Variants in SORCS1 observed in about 807,000 individuals in gnomAD.
SORCS1 encodes the protein VPS10 domain-containing receptor SorCS1.
SORCS1 carries 60 observed loss-of-function variants against 146.1 expected under a neutral mutation model. The ratio of observed to expected loss-of-function variants is 0.41; its 90% CI spans 0.33 to 0.51. The LOEUF (loss-of-function observed/expected upper bound fraction) is 0.51, where lower values mean the gene tolerates loss of function less well. Among genes scored for constraint, SORCS1 ranks in the 20% least tolerant of loss-of-function variants. SORCS1 has a pLI of 0.21. For missense variants in SORCS1, 1,352 were observed against 1,487.6 expected, an observed-to-expected ratio of 0.91 and a Z score of 1.50; for synonymous variants, 637 against 584.0, an observed-to-expected ratio of 1.09 and a Z score of -1.31.
intron 24 of SORCS1, among the ~76,000 whole-genome samples, chr10:106,588,755 G>A (rs772757807): frequency 3.3e-5 from 5 of 150,336 alleles, no homozygotes; most frequent in African/African-American, 4.9e-5. Flanking sequence ...CAGCTACTCC[G>A]GAGGCTGAGG....
intron 22 of SORCS1, 55 bp from the exon 23 acceptor site, chr10:106,607,352 G>A (rs1330274524): frequency 1.9e-6 from 3 of 1,602,462 alleles, no homozygotes; most frequent in Non-Finnish European, 2.6e-6. Flanking sequence ...AAGCTGAGAA[G>A]GGACCAAGTA....
chr10:107,111,712 A>G (rs189821042), intron 1 of SORCS1, among the ~76,000 whole-genome samples: 2 of 152,308 alleles, frequency 1.3e-5, no homozygotes, highest in Admixed American at 6.5e-5. Flanking sequence ...ATGAGTATTC[A>G]GATTCATGAA....
chr10:107,014,589 C>T (rs1957821532), intron 1 of SORCS1, among the ~76,000 whole-genome samples: 1 of 137,732 alleles, frequency 7.3e-6, no homozygotes, highest in Non-Finnish European at 1.7e-5. Flanking sequence ...TCTCAAAGTG[C>T]GGCCCCTGGA....
intron 2 of SORCS1, among the ~76,000 whole-genome samples, chr10:106,836,368 G>T (rs1024590462): frequency 6.6e-6 from 1 of 151,886 alleles, no homozygotes; most frequent in African/African-American, 2.4e-5. Flanking sequence ...CAGCTACTCG[G>T]GAGGCTGAGG....
chr10:106,622,551 T>C (rs938557336), intron 19 of SORCS1, among the ~76,000 whole-genome samples: 2 of 152,192 alleles, frequency 1.3e-5, no homozygotes, highest in African/African-American at 4.8e-5. Flanking sequence ...CTTTAGAGAA[T>C]GAAAAGTCTG....
In SORCS1 at chr10:107,163,993, G is replaced by GACC. The variant is rs766261017; in HGVS notation, c.531_533dup (p.Val178dup). 6.8e-6 allele frequency: 11 copies of GACC among 1,613,720 alleles called. No homozygotes were observed. The highest frequency in any genetic ancestry group is 1.7e-5 in the Admixed American group (1 of 59,988). On this transcript the variant is annotated inframe_insertion, in exon 1 of 26. Transcript: ENST00000263054. ...CGCTGCTGTTGTGGCCAGACCAGTG[G>GACC]ACCATGGCTTGGTTGTGTGCTGAGT...
the SORCS1 span, among the ~76,000 whole-genome samples, chr10:107,171,117 C>T: frequency 1.3e-5 from 2 of 152,184 alleles, no homozygotes; most frequent in African/African-American, 2.4e-5. Flanking sequence ...ATACCAACTT[C>T]AGTTTGACAC....
chr10:107,050,179 A>G (rs182261763), intron 1 of SORCS1, among the ~76,000 whole-genome samples: 18 of 152,316 alleles, frequency 1.2e-4, no homozygotes, highest in African/African-American at 4.1e-4. Context: ...GTATTCCTGA[A>G]TCTCAGGTAT....
At chr10:107,153,609 T>A (rs1005818802) in intron 1 of SORCS1, among the ~76,000 whole-genome samples, 3 of 152,198 alleles carry the variant, frequency 2.0e-5, no homozygotes, top group African/African-American at 7.2e-5. Context: ...AGAGTGATCT[T>A]GCTCTTTTGC....
At chr10:106,913,845 G>A (rs1209019673) in intron 2 of SORCS1, among the ~76,000 whole-genome samples, 1 of 152,208 alleles carries the variant, frequency 6.6e-6, no homozygotes, top group East Asian at 1.9e-4. Context: ...AGGAGCCTAA[G>A]AAATGTCCTT....
intron 1 of SORCS1, among the ~76,000 whole-genome samples, chr10:107,017,380 G>C (rs1341443037): frequency 6.6e-6 from 1 of 152,190 alleles, no homozygotes; most frequent in African/African-American, 2.4e-5. Context: ...TCACAAGTCT[G>C]TGCAAACAAA....
At chr10:106,595,545 C>T (rs566802417) in intron 24 of SORCS1, among the ~76,000 whole-genome samples, 1 of 152,138 alleles carries the variant, frequency 6.6e-6, no homozygotes, top group Non-Finnish European at 1.5e-5. Flanking sequence ...GGAACAGTGA[C>T]TTTAAATAGT....
At chr10:106,889,064 C>A (rs1317318794) in intron 2 of SORCS1, among the ~76,000 whole-genome samples, 1 of 151,992 alleles carries the variant, frequency 6.6e-6, no homozygotes, top group Non-Finnish European at 1.5e-5. Context: ...GAATACTTGT[C>A]TTTACTCAAA....
chr10:106,583,774 G>A (rs777520981), intron 24 of SORCS1, among the ~76,000 whole-genome samples: 1 of 151,988 alleles, frequency 6.6e-6, no homozygotes, highest in Non-Finnish European at 1.5e-5. Flanking sequence ...CTCCCAAAGT[G>A]CTGGGATTAC....
At chr10:106,699,135 G>A (rs1179553395) in intron 9 of SORCS1, 79 bp downstream of exon 9, 2 of 1,319,820 alleles carry the variant, frequency 1.5e-6, no homozygotes, top group Admixed American at 2.5e-5. Flanking sequence ...AAAATGACCA[G>A]GAAAAGAGTC....
chr10:106,957,286 G>A (rs2139005867), intron 1 of SORCS1, among the ~76,000 whole-genome samples: 1 of 150,956 alleles, frequency 6.6e-6, no homozygotes, highest in East Asian at 2.0e-4. Context: ...CAATTCTCCT[G>A]CCTCAGCCTC....
At chr10:106,740,182 C>T (rs1436257506) in intron 5 of SORCS1, among the ~76,000 whole-genome samples, 2 of 151,998 alleles carry the variant, frequency 1.3e-5, no homozygotes, top group Admixed American at 1.3e-4. Context: ...AGAAAATATA[C>T]ACAAAATAGA....
At chr10:106,834,620 T>C (rs1489013320) in intron 2 of SORCS1, among the ~76,000 whole-genome samples, 3 of 152,010 alleles carry the variant, frequency 2.0e-5, no homozygotes, top group South Asian at 2.1e-4. Context: ...TAAATGAAAA[T>C]TGCAAACAGA....
At chr10:106,966,983 CAGTAAATAAAACTAAACTTGT>C (rs1955524864) in intron 1 of SORCS1, among the ~76,000 whole-genome samples, 1 of 152,154 alleles carries the variant, frequency 6.6e-6, no homozygotes, top group South Asian at 2.1e-4. Context: ...TCTTTATATT[CAGTAAATAAAACTAAACTTGT>C]CAAATCCACT....
Sources: allele counts gnomAD v4.1 joint callset (sites outside exome capture counted in the v4.1 genomes callset), GRCh38; gene constraint gnomAD v4.1.1; transcripts MANE v1.5; gene names NCBI Gene and HGNC (gene_info 2026-07-23, HGNC 2026-07-21).